Variants in ASTN1 observed in about 807,000 individuals in gnomAD.
ASTN1 encodes astrotactin-1.
ASTN1 carries 41 observed loss-of-function variants against 140.7 expected under a neutral mutation model. The observed-to-expected ratio is 0.29, with a 90% CI of 0.23 to 0.38. ASTN1 has a LOEUF of 0.38. Among genes scored for constraint, ASTN1 ranks in the 10% least tolerant of loss-of-function variants. The pLI, the probability that ASTN1 is intolerant of heterozygous loss-of-function variation, is 1.00. For synonymous variants in ASTN1, 640 were observed against 652.2 expected, an observed-to-expected ratio of 0.98 and a Z score of 0.29; for missense variants, 1,479 against 1,678.8, an observed-to-expected ratio of 0.88 and a Z score of 2.08.
chr1:177,122,117 C>A (rs56374321), intron 1 of ASTN1, among the ~76,000 whole-genome samples: 7,389 of 152,204 alleles, frequency 0.049, 269 homozygotes, highest in Non-Finnish European at 0.079. Context: ...CTGTTACCTG[C>A]CAAATCCCAT....
At chr1:177,088,590 C>T (rs1012977445) in intron 1 of ASTN1, among the ~76,000 whole-genome samples, 6 of 152,076 alleles carry the variant, frequency 3.9e-5, no homozygotes, top group Non-Finnish European at 7.4e-5. Flanking sequence ...GCTACTTAAA[C>T]GTTTTTGAAA....
chr1:177,010,449 C>G (rs1675235399), intron 8 of ASTN1, among the ~76,000 whole-genome samples: 1 of 152,192 alleles, frequency 6.6e-6, no homozygotes, highest in Non-Finnish European at 1.5e-5. Flanking sequence ...CCTCAAAGAC[C>G]AAGGCTGTAA....
chr1:176,909,965 C>A (rs774168803), intron 16 of ASTN1, among the ~76,000 whole-genome samples: 8 of 152,108 alleles, frequency 5.3e-5, no homozygotes, highest in Non-Finnish European at 1.2e-4. Flanking sequence ...AGTAACAAGC[C>A]TACTAAAGCC....
At chr1:177,030,267 ACT>A (rs1329403859) in intron 4 of ASTN1, among the ~76,000 whole-genome samples, 2 of 152,178 alleles carry the variant, frequency 1.3e-5, no homozygotes, top group Non-Finnish European at 2.9e-5. Flanking sequence ...TCATGTGTAT[ACT>A]CTCTGGCTTT....
At chr1:176,892,228 T>A (rs930357844) in intron 17 of ASTN1, among the ~76,000 whole-genome samples, 54 of 152,286 alleles carry the variant, frequency 3.5e-4, no homozygotes, top group African/African-American at 1.3e-3. Context: ...AGCCATTAAA[T>A]TACTTTGATG....
chr1:177,157,297 G>T (rs931252715), intron 1 of ASTN1, among the ~76,000 whole-genome samples: 3 of 148,570 alleles, frequency 2.0e-5, no homozygotes, highest in Non-Finnish European at 4.5e-5. Context: ...TGTTCTTTTT[G>T]TTGTTGTTGT....
chr1:177,151,131 A>G (rs1683012306), intron 1 of ASTN1, among the ~76,000 whole-genome samples: 1 of 152,106 alleles, frequency 6.6e-6, no homozygotes, highest in South Asian at 2.1e-4. Flanking sequence ...TTACCAAGCC[A>G]AAGATGTATA....
chr1:177,018,053 G>A (rs1675645423), intron 7 of ASTN1, among the ~76,000 whole-genome samples: 1 of 152,122 alleles, frequency 6.6e-6, no homozygotes, highest in African/African-American at 2.4e-5. Context: ...AATAAAATTG[G>A]GTGTGCTCCT....
chr1:176,930,763 T>C (rs1671173236), intron 16 of ASTN1, among the ~76,000 whole-genome samples: 3 of 152,034 alleles, frequency 2.0e-5, no homozygotes, highest in Admixed American at 6.5e-5. Flanking sequence ...AAAGTGATAA[T>C]TTGAAGAGTG....
chr1:176,960,815 C>A (rs140348691), intron 9 of ASTN1, among the ~76,000 whole-genome samples: 2 of 152,224 alleles, frequency 1.3e-5, no homozygotes, highest in East Asian at 3.9e-4. Context: ...GGATTTTCTT[C>A]CCTCTCTTCT....
At chr1:176,973,576 A>G (rs149179270) in intron 8 of ASTN1, among the ~76,000 whole-genome samples, 3 of 152,138 alleles carry the variant, frequency 2.0e-5, no homozygotes, top group African/African-American at 4.8e-5. Context: ...TGATCAAACC[A>G]CATTTTCCTC....
At chr1:177,100,303 T>TAA (rs1483272243) in intron 1 of ASTN1, among the ~76,000 whole-genome samples, 9 of 152,034 alleles carry the variant, frequency 5.9e-5, no homozygotes, top group Non-Finnish European at 1.5e-5. Flanking sequence ...TCTCTGCATT[T>TAA]AAAAAAAGCC....
chr1:177,093,373 A>G (rs1383160176), intron 1 of ASTN1, among the ~76,000 whole-genome samples: 1 of 152,224 alleles, frequency 6.6e-6, no homozygotes, highest in African/African-American at 2.4e-5. Flanking sequence ...AGAGTCATCA[A>G]AAGAATTTGC....
intron 9 of ASTN1, among the ~76,000 whole-genome samples, chr1:176,961,319 T>G (rs1375179301): frequency 6.6e-6 from 1 of 152,184 alleles, no homozygotes; most frequent in Non-Finnish European, 1.5e-5. Flanking sequence ...ACCTCCTATG[T>G]GCAGAGCAGC....
At chr1:176,879,192 G>C (rs1668687330) in intron 20 of ASTN1, among the ~76,000 whole-genome samples, 1 of 152,206 alleles carries the variant, frequency 6.6e-6, no homozygotes, top group South Asian at 2.1e-4. Flanking sequence ...ACCCCTGACT[G>C]TGTGTCTGAG....
intron 1 of ASTN1, among the ~76,000 whole-genome samples, chr1:177,128,693 G>C (rs1014675088): frequency 1.3e-5 from 2 of 152,148 alleles, no homozygotes; most frequent in Admixed American, 6.5e-5. Context: ...TTGGGTATTA[G>C]ACAAGAATCT....
rs186067386 is a variant in ASTN1 at position 177,113,236 on chromosome 1, G to A, written c.283+51158C>T. 1.4e-3 allele frequency among the ~76,000 whole-genome samples: 207 copies of A among 152,162 alleles called. 1 individual carries two copies. The highest frequency in any genetic ancestry group is 2.3e-3 in the Non-Finnish European group (159 of 68,012). ...AACCACCACACTTGCTCCAAACCAGGCACAGACACCTAAGGTTGTTTCCAG... is the reference window on the plus strand; with the variant it reads ...AACCACCACACTTGCTCCAAACCAGACACAGACACCTAAGGTTGTTTCCAG... On this transcript the variant is annotated intron_variant, in intron 1 of 22. Coordinates refer to ENST00000361833, the MANE Select transcript of ASTN1 (RefSeq NM_004319.3).
intron 1 of ASTN1, among the ~76,000 whole-genome samples, chr1:177,065,608 T>A (rs975402041): frequency 4.6e-5 from 7 of 152,032 alleles, no homozygotes; most frequent in African/African-American, 7.2e-5. Context: ...AAGAGAACAA[T>A]GTGTACAAAG....
chr1:176,872,662 C>T lies in ASTN1; in HGVS notation c.3464-3635G>A, dbSNP rs140777566. On this transcript the variant is annotated intron_variant, in intron 21 of 22. Transcript: ENST00000361833. ...AGAGTACAGTGCCCTATTTTGATGA[C>T]CAGGCCCTGTGGAATCTTCCCCACA... Among the ~76,000 whole-genome samples, 687 of 152,182 alleles carry T rather than the reference C, an allele frequency of 4.5e-3. 3 individuals are homozygous for T. Among genetic ancestry groups the T allele is most frequent in the Non-Finnish European group, 6.2e-3 (422 of 68,014 alleles).
Sources: gnomAD v4.1 joint callset for allele counts (sites outside exome capture counted in the v4.1 genomes callset) on GRCh38, gnomAD v4.1.1 for gene constraint, MANE v1.5 for transcripts, NCBI Gene and HGNC (gene_info 2026-07-23, HGNC 2026-07-21) for gene names.